The following ADAMTS19 variants were observed in gnomAD, a reference collection of about 807,000 sequenced individuals.
ADAMTS19 encodes A disintegrin and metalloproteinase with thrombospondin motifs 19.
ADAMTS19 carries 93 observed loss-of-function variants against 153.3 expected under a neutral mutation model. That is an observed-to-expected ratio of 0.61 (90% CI 0.51 to 0.72). The LOEUF (loss-of-function observed/expected upper bound fraction) is 0.72. ADAMTS19 is among the 30% of genes least tolerant of loss of function. The pLI, the probability that ADAMTS19 is intolerant of heterozygous loss-of-function variation, is 0.00. For missense variants in ADAMTS19, 1,482 were observed against 1,552.1 expected (o/e 0.95, Z 0.76); for synonymous variants, 600 against 556.6 (o/e 1.08, Z -1.10).
At chr5:129,736,814 A>G (rs1300644736) in intron 22 of ADAMTS19, among the ~76,000 whole-genome samples, 1 of 152,134 alleles carries the variant, frequency 6.6e-6, no homozygotes, top group East Asian at 1.9e-4. Context: ...TAAAAGTACA[A>G]CACATTGAAC....
intron 10 of ADAMTS19, among the ~76,000 whole-genome samples, chr5:129,631,147 G>C (rs1752267417): frequency 6.8e-6 from 1 of 146,108 alleles, no homozygotes; most frequent in Non-Finnish European, 1.5e-5. Flanking sequence ...TAATCACTTT[G>C]GGAAAATTTT....
intron 3 of ADAMTS19, among the ~76,000 whole-genome samples, chr5:129,523,357 T>G (rs1045662050): frequency 6.6e-6 from 1 of 152,164 alleles, no homozygotes; most frequent in Non-Finnish European, 1.5e-5. Context: ...TTGAAGAGAC[T>G]TCACTGAATT....
At chr5:129,586,167 C>T (rs1749787418) in intron 7 of ADAMTS19, among the ~76,000 whole-genome samples, 1 of 152,152 alleles carries the variant, frequency 6.6e-6, no homozygotes, top group Admixed American at 6.5e-5. Context: ...GGTGACCTTA[C>T]ATTCACACAT....
chr5:129,665,881 C>CATATATATATATATAT (rs3979171), intron 16 of ADAMTS19, among the ~76,000 whole-genome samples: 74 of 143,660 alleles, frequency 5.2e-4, no homozygotes, highest in African/African-American at 1.7e-3. Context: ...GATTTATATT[C>CATATATATATATATAT]ATATATATAT....
In ADAMTS19 at chr5:129,737,085, G is replaced by A; in HGVS notation, c.3509G>A (p.Cys1170Tyr). 1 of 1,598,504 alleles carries A rather than the reference G, an allele frequency of 6.3e-7. No individual in the cohort carries two copies. Among genetic ancestry groups the A allele is most frequent in the Non-Finnish European group, 8.5e-7 (1 of 1,170,010 alleles). ...SPRLAALTFK[C>Y]LGDQWPVYCR... ...TTCACAGCTGCTCTGACTTTCAAGT[G>A]CCTGGGAGATCAGTGGCCAGTGTAC... Residue 1170 changes from cysteine to tyrosine, a missense_variant, in exon 23 of 23, where the codon TGC becomes TAC. Transcript: ENST00000274487.
At chr5:129,520,952 G>T (rs1319700850) in intron 3 of ADAMTS19, among the ~76,000 whole-genome samples, 1 of 152,020 alleles carries the variant, frequency 6.6e-6, no homozygotes, top group Admixed American at 6.6e-5. Flanking sequence ...TTTTCCCAGT[G>T]ATACTGTGAA....
At chr5:129,465,227 A>C (rs1749813722) in intron 2 of ADAMTS19, among the ~76,000 whole-genome samples, 1 of 152,228 alleles carries the variant, frequency 6.6e-6, no homozygotes, top group African/African-American at 2.4e-5. Flanking sequence ...ATCATCTTTA[A>C]AAATTAAAAC....
intron 6 of ADAMTS19, among the ~76,000 whole-genome samples, chr5:129,537,571 C>A (rs35140971): frequency 0.19 from 28,206 of 151,886 alleles, 3,141 homozygotes; most frequent in African/African-American, 0.3. Context: ...TGTGGCACAT[C>A]TACACCATGG....
intron 6 of ADAMTS19, among the ~76,000 whole-genome samples, chr5:129,536,329 C>G (rs1372261029): frequency 2.0e-5 from 3 of 152,130 alleles, no homozygotes; most frequent in Non-Finnish European, 4.4e-5. Context: ...CATCACTGGC[C>G]ATCAGAAAAA....
intron 7 of ADAMTS19, among the ~76,000 whole-genome samples, chr5:129,591,400 C>T (rs1750127230): frequency 6.6e-6 from 1 of 151,694 alleles, no homozygotes; most frequent in South Asian, 2.1e-4. Context: ...TCAAGCAATT[C>T]TCCTGCCTCA....
intron 21 of ADAMTS19, among the ~76,000 whole-genome samples, chr5:129,731,703 G>T (rs2902313): frequency 0.016 from 2,387 of 152,124 alleles, 61 homozygotes; most frequent in African/African-American, 0.053. Flanking sequence ...AGAATTGACA[G>T]CAAAGAGAAT....
chr5:129,564,123 A>G (rs1490852146), intron 7 of ADAMTS19, among the ~76,000 whole-genome samples: 3 of 151,980 alleles, frequency 2.0e-5, no homozygotes, highest in African/African-American at 4.8e-5. Flanking sequence ...GTTCCAGGTG[A>G]AACTCTTAAA....
intron 8 of ADAMTS19, among the ~76,000 whole-genome samples, chr5:129,612,377 T>C (rs1375522467): frequency 6.6e-6 from 1 of 151,942 alleles, no homozygotes; most frequent in Non-Finnish European, 1.5e-5. Flanking sequence ...TCTATCGTTG[T>C]TGGACATTTA....
chr5:129,520,175 C>A (rs1257675292), intron 3 of ADAMTS19, among the ~76,000 whole-genome samples: 1 of 152,102 alleles, frequency 6.6e-6, no homozygotes, highest in Non-Finnish European at 1.5e-5. Context: ...GCCTCTAAGT[C>A]TCCTGGTTTT....
intron 16 of ADAMTS19, among the ~76,000 whole-genome samples, chr5:129,667,418 C>T (rs1754103391): frequency 6.6e-6 from 1 of 152,080 alleles, no homozygotes; most frequent in Non-Finnish European, 1.5e-5. Flanking sequence ...GATGTTGTCT[C>T]TTCTAAATCT....
rs1169388973 is a variant in ADAMTS19, at chr5:129,592,377, C to CAA, written c.1373-4161_1373-4160dup. Reference sequence around the variant, plus strand: ...TGGGCGACAGAGTGGGTCTCCGTTTCAAAAAAAAAAAAAAAAAAAAAAGTG... The same window carrying CAA: ...TGGGCGACAGAGTGGGTCTCCGTTTCAAAAAAAAAAAAAAAAAAAAAAAAGTG... On this transcript the variant is annotated intron_variant, in intron 7 of 22. Transcript: ENST00000274487. Among the ~76,000 whole-genome samples the CAA allele has an allele frequency of 9.6e-3, 758 of 79,282 alleles. 12 individuals are homozygous for CAA. The highest frequency in any genetic ancestry group is 0.023 in the African/African-American group (554 of 23,640). The allele number at this position is 79,282 out of a possible 152,430, so 52.0% of individuals were successfully genotyped here.
At chr5:129,651,728 A>C (rs1172620465) in intron 13 of ADAMTS19, among the ~76,000 whole-genome samples, 2 of 152,122 alleles carry the variant, frequency 1.3e-5, no homozygotes, top group African/African-American at 2.4e-5. Flanking sequence ...CACACACACA[A>C]CCTGTAATAG....
intron 3 of ADAMTS19, among the ~76,000 whole-genome samples, chr5:129,516,199 G>A (rs193165808): frequency 2.1e-3 from 309 of 150,302 alleles, no homozygotes; most frequent in African/African-American, 6.7e-3. Flanking sequence ...GTATTTTGTT[G>A]AGGATTTTTG....
At chr5:129,612,338 T>C (rs528781361) in intron 8 of ADAMTS19, among the ~76,000 whole-genome samples, 57 of 152,038 alleles carry the variant, frequency 3.7e-4, no homozygotes, top group African/African-American at 1.3e-3. Context: ...TATTCCATGG[T>C]GTATATGTGC....
Sources: gnomAD v4.1 joint callset for allele counts (sites outside exome capture counted in the v4.1 genomes callset) on GRCh38, gnomAD v4.1.1 for gene constraint, MANE v1.5 for transcripts, NCBI Gene and HGNC (gene_info 2026-07-23, HGNC 2026-07-21) for gene names.